The following NTRK3 variants were observed in gnomAD, a reference collection of about 807,000 sequenced individuals.
NTRK3 encodes NT-3 growth factor receptor.
A neutral mutation model predicts 91.7 loss-of-function variants in NTRK3; 24 were observed. That is an observed-to-expected ratio of 0.26 (90% CI 0.19 to 0.37). The LOEUF (loss-of-function observed/expected upper bound fraction) is 0.37. NTRK3 is among the 10% of genes least tolerant of loss of function. The probability of loss-of-function intolerance (pLI) is 1.00; values close to 1 mark genes in which losing one functional copy is unlikely to be tolerated. For missense variants in NTRK3, 880 were observed against 1,068.9 expected (o/e 0.82, Z 2.46); for synonymous variants, 483 against 404.0 (o/e 1.20, Z -2.34).
intron 17 of NTRK3, chr15:87,916,401 G>T (rs748241714): frequency 1.6e-5 from 10 of 638,504 alleles, no homozygotes; most frequent in African/African-American, 9.1e-5. Flanking sequence ...GTAGAGAGAC[G>T]TGAATGACTC....
chr15:88,186,982 C>T (rs1285676541), intron 3 of NTRK3, among the ~76,000 whole-genome samples: 2 of 152,108 alleles, frequency 1.3e-5, no homozygotes, highest in Non-Finnish European at 2.9e-5. Flanking sequence ...ATAACTGCCT[C>T]GTAAGAATGA....
At chr15:87,969,729 C>A (rs551436827) in intron 14 of NTRK3, among the ~76,000 whole-genome samples, 1 of 152,306 alleles carries the variant, frequency 6.6e-6, no homozygotes, top group Non-Finnish European at 1.5e-5. Context: ...TGGAGAATGA[C>A]CCCTCAAGCT....
Position 88,184,306 on chromosome 15 carries a change from G to A in NTRK3, c.249-7C>T, listed in dbSNP as rs1228841752. ...GCGCCAGTTCTCTATGTGTCTGCAG[G>A]GGAGGAGGAAAGGTAACGGTCAGCC... On this transcript the variant is annotated splice_region_variant and splice_polypyrimidine_tract_variant and intron_variant, in intron 3 of 18. Coordinates refer to ENST00000394480, the Ensembl canonical transcript of NTRK3. 4 of 1,613,878 alleles carry A rather than the reference G, an allele frequency of 2.5e-6. No homozygotes were observed. In the African/African-American group the frequency reaches 5.3e-5, roughly 22 times the overall value.
intron 13 of NTRK3, among the ~76,000 whole-genome samples, chr15:88,115,211 A>AT (rs1206439221): frequency 6.6e-6 from 1 of 152,222 alleles, no homozygotes; most frequent in African/African-American, 2.4e-5. Flanking sequence ...CTGATTTCTG[A>AT]TAGCGCTTCT....
At chr15:88,040,339 C>G (rs574324520) in intron 13 of NTRK3, among the ~76,000 whole-genome samples, 2 of 152,188 alleles carry the variant, frequency 1.3e-5, no homozygotes, top group African/African-American at 4.8e-5. Flanking sequence ...CCTGGGACAA[C>G]AAGTCACCAT....
At chr15:88,076,977 C>T (rs1032536370) in intron 13 of NTRK3, among the ~76,000 whole-genome samples, 14 of 152,044 alleles carry the variant, frequency 9.2e-5, no homozygotes, top group Non-Finnish European at 4.4e-5. Flanking sequence ...TGCCTGTAGT[C>T]CCAGTACTCG....
intron 13 of NTRK3, among the ~76,000 whole-genome samples, chr15:88,120,599 G>T (rs2052600199): frequency 6.6e-6 from 1 of 152,176 alleles, no homozygotes. Flanking sequence ...ATAAATGAAG[G>T]AAGTTCTTGG....
intron 14 of NTRK3, among the ~76,000 whole-genome samples, chr15:87,993,585 C>T (rs1292201837): frequency 6.6e-6 from 1 of 152,154 alleles, no homozygotes; most frequent in African/African-American, 2.4e-5. Context: ...ACACAAAATA[C>T]TCAGTTTAGG....
intron 3 of NTRK3, among the ~76,000 whole-genome samples, chr15:88,229,484 G>A (rs181841269): frequency 2.6e-3 from 396 of 152,242 alleles, no homozygotes; most frequent in Non-Finnish European, 5.1e-3. Context: ...GATGTGAGGA[G>A]GGACTACATC....
At chr15:88,036,550 A>G (rs2079087767) in intron 13 of NTRK3, among the ~76,000 whole-genome samples, 1 of 152,218 alleles carries the variant, frequency 6.6e-6, no homozygotes. Context: ...CAAGGGGGCA[A>G]GCAAGGAAAA....
At chr15:87,915,292 C>A (rs1180200930) in intron 17 of NTRK3, among the ~76,000 whole-genome samples, 1 of 152,248 alleles carries the variant, frequency 6.6e-6, no homozygotes, top group Admixed American at 6.5e-5. Flanking sequence ...CCAGTCTTTT[C>A]TCTATCCCCA....
intron 4 of NTRK3, 146 bp from the exon 5 acceptor site, chr15:88,183,635 G>GAAGATACACAACCCCA: frequency 4.9e-6 from 4 of 812,416 alleles, no homozygotes; most frequent in Middle Eastern, 2.3e-4. Context: ...AGTTATCACA[G>GAAGATACACAACCCCA]GTGGCCTGCT....
chr15:87,940,881 T>C, intron 14 of NTRK3, 128 bp from the exon 15 acceptor site: 1 of 1,207,292 alleles, frequency 8.3e-7, no homozygotes, highest in South Asian at 1.2e-5. Flanking sequence ...AGGCAAACTC[T>C]AGCACACCAG....
At chr15:88,003,054 C>A (rs1294553616) in intron 14 of NTRK3, among the ~76,000 whole-genome samples, 3 of 152,082 alleles carry the variant, frequency 2.0e-5, no homozygotes, top group Non-Finnish European at 2.9e-5. Flanking sequence ...AATCACAGAG[C>A]AAAGGGCATG....
At position 88,233,749 on chromosome 15, in the gene NTRK3, C is replaced by T. The variant is rs2051419396; in HGVS notation, c.248+22157G>A. ...TTACTCTCCCTTCCTTCCCTGCCCC[C>T]TTCCTCCCTACACCTTGCTCCTCCT... is the stretch of plus-strand genomic sequence containing the variant. On this transcript the variant is annotated intron_variant, in intron 3 of 18. Transcript: ENST00000394480. The surrounding 1 kb of genome is among the most constrained non-coding windows in gnomAD (Gnocchi z 4.2). Among the ~76,000 whole-genome samples, 1 of 151,996 alleles carries T rather than the reference C, an allele frequency of 6.6e-6. No homozygotes were observed. The highest frequency in any genetic ancestry group is 6.5e-5 in the Admixed American group (1 of 15,268).
At chr15:88,036,644 C>T (rs1423114687) in intron 13 of NTRK3, among the ~76,000 whole-genome samples, 1 of 152,150 alleles carries the variant, frequency 6.6e-6, no homozygotes, top group African/African-American at 2.4e-5. Context: ...CGAGAGATTA[C>T]AGAATACAAT....
chr15:87,916,544 C>T lies in NTRK3; in HGVS notation c.2133+12647G>A, dbSNP rs947302092. 5 of 702,380 alleles carry T rather than the reference C, an allele frequency of 7.1e-6. No individual in the cohort carries two copies. In the South Asian group the frequency reaches 7.4e-5, roughly 10 times the overall value. The allele number at this position is 702,380 out of a possible 1,614,324, so 43.5% of individuals were successfully genotyped here. A position where few individuals can be genotyped will look rare whatever the true frequency, so the allele number is the denominator to read the frequency against. On this transcript the variant is annotated intron_variant, in intron 17 of 18. Coordinates refer to ENST00000394480, the Ensembl canonical transcript of NTRK3. The stretch of plus-strand genomic sequence containing the variant: ...CCCGTCTTTTTTCCCCAGTATCAGT[C>T]CTCATGCCTGCACAACCTTCAATGA...
At chr15:87,980,871 C>T (rs368721571) in intron 14 of NTRK3, among the ~76,000 whole-genome samples, 1 of 152,200 alleles carries the variant, frequency 6.6e-6, no homozygotes, top group East Asian at 1.9e-4. Context: ...TCTGAGACAG[C>T]ATCCCTGCCC....
intron 14 of NTRK3, among the ~76,000 whole-genome samples, chr15:87,981,901 C>T (rs2074311486): frequency 1.3e-5 from 2 of 152,202 alleles, no homozygotes; most frequent in Non-Finnish European, 2.9e-5. Flanking sequence ...TAAAATCTTC[C>T]TTGCCATTGT....
Sources: allele counts gnomAD v4.1 joint callset (sites outside exome capture counted in the v4.1 genomes callset), GRCh38; gene constraint gnomAD v4.1.1; non-coding constraint Gnocchi (gnomAD v3.1); transcripts MANE v1.5; gene names NCBI Gene and HGNC (gene_info 2026-07-23, HGNC 2026-07-21).